SLC46A3: variants seen among roughly 807,000 people sequenced by gnomAD.
The protein encoded by SLC46A3 is solute carrier family 46 member 3.
In SLC46A3, 26 loss-of-function variants were observed where a neutral mutation model predicts 38.5. The ratio of observed to expected loss-of-function variants is 0.68; its 90% CI spans 0.49 to 0.94. The LOEUF (loss-of-function observed/expected upper bound fraction) is 0.94, where lower values mean the gene tolerates loss of function less well. Ranked by LOEUF, SLC46A3 falls within the 40% of genes least tolerant of loss-of-function variation. SLC46A3 has a pLI of 0.00. For missense variants in SLC46A3, 510 were observed against 544.3 expected (o/e 0.94, Z 0.63); for synonymous variants, 185 against 192.5 (o/e 0.96, Z 0.32).
At chr13:28,716,483 T>C (rs1024742956) in intron 2 of SLC46A3, among the ~76,000 whole-genome samples, 1 of 152,254 alleles carries the variant, frequency 6.6e-6, no homozygotes, top group Admixed American at 6.5e-5. Context: ...ATTTGTTTAA[T>C]GCATGAATAA....
chr13:28,706,135 A>G (rs1231906912), intron 4 of SLC46A3, among the ~76,000 whole-genome samples: 1 of 152,214 alleles, frequency 6.6e-6, no homozygotes, highest in Non-Finnish European at 1.5e-5. Flanking sequence ...CTCCCAATTT[A>G]TAATAACAAG....
chr13:28,710,704 C>A, intron 4 of SLC46A3, 56 bp downstream of exon 4: 1 of 1,293,426 alleles, frequency 7.7e-7, no homozygotes, highest in East Asian at 2.3e-5. Flanking sequence ...TGATTGTACA[C>A]AGATTTGAGT....
At chr13:28,715,033 G>A (rs546826406) in intron 2 of SLC46A3, among the ~76,000 whole-genome samples, 11 of 152,244 alleles carry the variant, frequency 7.2e-5, no homozygotes, top group East Asian at 1.9e-4. Flanking sequence ...GATGTAAACC[G>A]TTTTTAGTCA....
At position 28,713,292 on chromosome 13, in the gene SLC46A3, C is replaced by A; in HGVS notation, c.448G>T (p.Ala150Ser). The A allele has an allele frequency of 1.2e-6, 2 of 1,613,948 alleles. No homozygotes were observed. The highest frequency in any genetic ancestry group is 2.7e-5 in the African/African-American group (2 of 75,052). The change falls in exon 3 of 6, where the codon GCT becomes TCT. Residue 150 changes from alanine to serine, a missense_variant. Physicochemically the swap from Ala to Ser is moderately conservative, Grantham distance 99. Coordinates refer to ENST00000266943, the MANE Select transcript of SLC46A3 (RefSeq NM_181785.4). Reference protein sequence around the residue: ...FCGNYTTFWGACFAYIVDQCK... With the variant: ...FCGNYTTFWGSCFAYIVDQCK... ...TGATCAACTATATAGGCAAAGCAAG[C>A]TCCCCAAAATGTGGTATAATTGCCA...
chr13:28,708,614 C>CTTTTTTTTTT lies in SLC46A3; in HGVS notation c.1144+2136_1144+2145dup, dbSNP rs71190788. On this transcript the variant is annotated intron_variant, in intron 4 of 5. Transcript: ENST00000266943. ...ATTTCACTTTCTTTCTTTTTCTTTT[C>CTTTTTTTTTT]TTTTTTTTTTTTTTTTTTGTATTTT... is the stretch of plus-strand genomic sequence containing the variant. 2.3e-3 allele frequency among the ~76,000 whole-genome samples: 291 copies of CTTTTTTTTTT among 128,250 alleles called. 1 individual carries two copies. Among genetic ancestry groups the CTTTTTTTTTT allele is most frequent in the Non-Finnish European group, 3.2e-3 (195 of 60,144 alleles). 84.1% of individuals were successfully genotyped at this position (128,250 alleles called of 152,430 possible). A position where few individuals can be genotyped will look rare whatever the true frequency, so the allele number is the denominator to read the frequency against.
chr13:28,703,913 CT>C (rs1885101107), intron 5 of SLC46A3, 29 bp downstream of exon 5: 2 of 1,566,236 alleles, frequency 1.3e-6, no homozygotes, highest in African/African-American at 2.9e-5. Flanking sequence ...CATATACCCT[CT>C]GATAAAATGA....
Position 28,704,110 on chromosome 13 carries a change from T to C in SLC46A3, c.1145-11A>G. 1.3e-6 allele frequency: 2 copies of C among 1,596,276 alleles called. No homozygotes were observed. Among genetic ancestry groups the C allele is most frequent in the African/African-American group, 1.4e-5 (1 of 71,988 alleles). On this transcript the variant is annotated splice_polypyrimidine_tract_variant and intron_variant, in intron 4 of 5. Coordinates refer to ENST00000266943, the MANE Select transcript of SLC46A3 (RefSeq NM_181785.4). ...AAGCAAACAGGGTACCTGTTTGGAG[T>C]AGGGATAGAGAGAGAGGAAAAAAAA...
chr13:28,714,061 G>A (rs528119480), intron 2 of SLC46A3, among the ~76,000 whole-genome samples: 191 of 151,354 alleles, frequency 1.3e-3, no homozygotes, highest in Middle Eastern at 6.8e-3. Flanking sequence ...TTGGGAGGCT[G>A]AGGCAGGAGG....
chr13:28,700,780 A>AAT lies in SLC46A3; in HGVS notation c.*715_*716dup, dbSNP rs1884994035. On this transcript the variant is annotated 3_prime_UTR_variant, in exon 6 of 6. Coordinates refer to ENST00000266943, the MANE Select transcript of SLC46A3 (RefSeq NM_181785.4). ...TTCCCAATTACCCATTACATATAGA[A>AAT]ATATTATCATGCCTGTCACCGATGA... The AAT allele has an allele frequency of 1.8e-6, 1 of 544,362 alleles. No homozygotes were observed. Among genetic ancestry groups the AAT allele is most frequent in the Non-Finnish European group, 3.2e-6 (1 of 309,566 alleles). The allele number at this position is 544,362 out of a possible 1,614,324, so 33.7% of individuals were successfully genotyped here.
intron 4 of SLC46A3, among the ~76,000 whole-genome samples, chr13:28,707,800 C>T (rs546481735): frequency 2.6e-5 from 4 of 152,108 alleles, no homozygotes; most frequent in Admixed American, 1.3e-4. Context: ...TTCATCACCC[C>T]GAAAAGAAAC....
chr13:28,701,393 T>C lies in SLC46A3; in HGVS notation c.*104A>G, dbSNP rs1322396263. ...GTTTAGAAGAAAAGATAGGTAAAAT[T>C]GGTTCTCAGTGAAGCACTGATTGTG... On this transcript the variant is annotated 3_prime_UTR_variant, in exon 6 of 6. Coordinates refer to ENST00000266943, the MANE Select transcript of SLC46A3 (RefSeq NM_181785.4). 2 of 1,507,364 alleles carry C rather than the reference T, an allele frequency of 1.3e-6. No homozygotes were observed. Among genetic ancestry groups the C allele is most frequent in the South Asian group, 1.4e-5 (1 of 71,618 alleles). The allele number at this position is 1,507,364 out of a possible 1,614,324, so 93.4% of individuals were successfully genotyped here.
chr13:28,705,190 A>G (rs1253395525), intron 4 of SLC46A3, among the ~76,000 whole-genome samples: 2 of 152,234 alleles, frequency 1.3e-5, no homozygotes, highest in Non-Finnish European at 2.9e-5. Context: ...GATTTTGTCA[A>G]CAAGTCACTA....
intron 2 of SLC46A3, 52 bp downstream of exon 2, chr13:28,717,758 C>A: frequency 6.4e-7 from 1 of 1,555,052 alleles, no homozygotes; most frequent in Admixed American, 1.8e-5. Context: ...TAACTCAAAG[C>A]CCGGTATACA....
chr13:28,702,747 G>T (rs941880700), intron 5 of SLC46A3, among the ~76,000 whole-genome samples: 1 of 152,204 alleles, frequency 6.6e-6, no homozygotes, highest in African/African-American at 2.4e-5. Flanking sequence ...GAAACAATAA[G>T]TACTGAGCTC....
rs1322198755 is a variant in SLC46A3 at position 28,717,484 on chromosome 13, A to AATTTTT, written c.189+325_189+326insAAAAAT. On this transcript the variant is annotated intron_variant, in intron 2 of 5. Transcript: ENST00000266943. ...CAGCCTGCCCTGCCCCAATTTTCAG[A>AATTTTT]CTTTTTTTTTTTTTTTTTTTTTTTT... is the stretch of plus-strand genomic sequence containing the variant. 3.0e-3 allele frequency among the ~76,000 whole-genome samples: 286 copies of AATTTTT among 94,098 alleles called. 37 individuals are homozygous for AATTTTT. The highest frequency in any genetic ancestry group is 3.6e-3 in the Non-Finnish European group (173 of 47,474). 61.7% of individuals were successfully genotyped at this position (94,098 alleles called of 152,430 possible).
chr13:28,704,372 C>G, intron 4 of SLC46A3: 1 of 345,856 alleles, frequency 2.9e-6, no homozygotes, highest in South Asian at 4.4e-5. Flanking sequence ...CAGGGCAAAG[C>G]TAAAAAGACA....
chr13:28,713,388 GC>G lies in SLC46A3; in HGVS notation c.351del (p.Trp117CysfsTer15). On this transcript the variant is annotated frameshift_variant, in exon 3 of 6. Coordinates refer to ENST00000266943, the MANE Select transcript of SLC46A3 (RefSeq NM_181785.4). LOFTEE classifies it high-confidence loss of function. ...AAGGCAAAATAGCAAAGCAAACAGA[GC>G]CAAACGCTGGTTGCAAGAGCACCAA... is the stretch of plus-strand genomic sequence containing the variant. Reference protein sequence around the residue: ...SSVGALATSVWLCLLCYFAFP... With the variant: ...SSVGALATSVXLCLLCYFAFP... 6.2e-7 allele frequency: 1 copy of G among 1,614,036 alleles called. No homozygotes were observed. Among genetic ancestry groups the G allele is most frequent in the Non-Finnish European group, 8.5e-7 (1 of 1,180,006 alleles).
At chr13:28,717,599 G>A (rs1454271822) in intron 2 of SLC46A3, among the ~76,000 whole-genome samples, 1 of 150,936 alleles carries the variant, frequency 6.6e-6, no homozygotes, top group Non-Finnish European at 1.5e-5. Context: ...CACAGAGCAG[G>A]AGGGTGTTTT....
At position 28,713,016 on chromosome 13, in the gene SLC46A3, A is replaced by G. The variant is rs771962970; in HGVS notation, c.724T>C (p.Phe242Leu). The G allele has an allele frequency of 2.5e-6, 4 of 1,612,940 alleles. No individual in the cohort carries two copies. The highest frequency in any genetic ancestry group is 3.4e-6 in the Non-Finnish European group (4 of 1,179,864). ...MSCSEGFKNL[F>L]YRTYMLFKNA... is the part of the protein sequence containing the mutation. ...TTAAAAAGCATGTAAGTTCGGTAAAATAGGTTTTTGAAGCCTTCACTACAT... is the reference window on the plus strand; with the variant it reads ...TTAAAAAGCATGTAAGTTCGGTAAAGTAGGTTTTTGAAGCCTTCACTACAT... The change falls in exon 3 of 6, where the codon TTT becomes CTT. Residue 242 changes from phenylalanine to leucine, a missense_variant. By Grantham distance (22) the Phe-to-Leu change is conservative. Coordinates refer to ENST00000266943, the MANE Select transcript of SLC46A3 (RefSeq NM_181785.4).
Sources: allele counts gnomAD v4.1 joint callset (sites outside exome capture counted in the v4.1 genomes callset), GRCh38; gene constraint gnomAD v4.1.1; transcripts MANE v1.5; gene names NCBI Gene and HGNC (gene_info 2026-07-23, HGNC 2026-07-21).